Variants in PPFIA2 observed in about 807,000 individuals in gnomAD.
PPFIA2 encodes PPFI scaffold protein A2.
A neutral mutation model predicts 175.5 loss-of-function variants in PPFIA2; 46 were observed. The ratio of observed to expected loss-of-function variants is 0.26; its 90% CI spans 0.21 to 0.34. PPFIA2 has a LOEUF of 0.34. Ranked by LOEUF, PPFIA2 falls within the 10% of genes least tolerant of loss-of-function variation. PPFIA2 has a pLI of 1.00. For synonymous variants in PPFIA2, 568 were observed against 511.4 expected (o/e 1.11, Z -1.49); for missense variants, 1,179 against 1,506.1 (o/e 0.78, Z 3.60).
intron 4 of PPFIA2, among the ~76,000 whole-genome samples, chr12:81,605,320 A>G (rs530307599): frequency 6.6e-6 from 1 of 151,824 alleles, no homozygotes; most frequent in Non-Finnish European, 1.5e-5. Context: ...GTCATACTGA[A>G]AGAACAATGG....
chr12:81,756,881 A>G (rs951976987), intron 2 of PPFIA2, among the ~76,000 whole-genome samples: 1 of 152,186 alleles, frequency 6.6e-6, no homozygotes, highest in African/African-American at 2.4e-5. Context: ...AATCCAATTT[A>G]TAAAAATCAA....
At position 81,747,964 on chromosome 12, in the gene PPFIA2, C is replaced by A. The variant is rs1343589522; in HGVS notation, c.249+6009G>T. Among the ~76,000 whole-genome samples, 8 of 144,054 alleles carry A rather than the reference C, an allele frequency of 5.6e-5. 2 individuals carry two copies. The highest frequency in any genetic ancestry group is 1.2e-4 in the Non-Finnish European group (8 of 64,192). The allele number at this position is 144,054 out of a possible 152,430, so 94.5% of individuals were successfully genotyped here. A position where few individuals can be genotyped will look rare whatever the true frequency, so the allele number is the denominator to read the frequency against. ...AGGGTTTCTGAAACACATTCTCATACCTCCTTTCAATCACTCTTAAGGGTA... is the reference window on the plus strand; with the variant it reads ...AGGGTTTCTGAAACACATTCTCATAACTCCTTTCAATCACTCTTAAGGGTA... On this transcript the variant is annotated intron_variant, in intron 3 of 32. Transcript: ENST00000549396.
chr12:81,722,257 T>C (rs1326751623), intron 3 of PPFIA2, among the ~76,000 whole-genome samples: 2 of 151,082 alleles, frequency 1.3e-5, no homozygotes. Flanking sequence ...AAAAATCAAG[T>C]AGTCACATAC....
At chr12:81,267,828 A>G (rs2037771210) in intron 29 of PPFIA2, 84 bp downstream of exon 29, 2 of 1,293,744 alleles carry the variant, frequency 1.5e-6, no homozygotes, top group Admixed American at 2.5e-5. Flanking sequence ...ACAATCATGA[A>G]TACACAGCCA....
intron 4 of PPFIA2, among the ~76,000 whole-genome samples, chr12:81,657,026 T>C (rs964410937): frequency 2.0e-5 from 3 of 152,194 alleles, no homozygotes; most frequent in African/African-American, 7.2e-5. Context: ...GTAGTGGTTA[T>C]AATTAATGTT....
At chr12:81,470,367 A>C (rs183783570) in intron 4 of PPFIA2, among the ~76,000 whole-genome samples, 2 of 152,222 alleles carry the variant, frequency 1.3e-5, no homozygotes, top group Non-Finnish European at 2.9e-5. Context: ...ATGAAAGTCA[A>C]AAGCACAGTG....
intron 9 of PPFIA2, among the ~76,000 whole-genome samples, chr12:81,377,787 C>A (rs1163624549): frequency 6.6e-6 from 1 of 152,062 alleles, no homozygotes; most frequent in Non-Finnish European, 1.5e-5. Flanking sequence ...AGCTACAAAG[C>A]CTGGAATAAA....
chr12:81,698,167 G>T (rs974277386), intron 3 of PPFIA2, among the ~76,000 whole-genome samples: 1 of 152,038 alleles, frequency 6.6e-6, no homozygotes, highest in African/African-American at 2.4e-5. Context: ...TAAGAAAGAA[G>T]ATTTATTCAT....
intron 7 of PPFIA2, among the ~76,000 whole-genome samples, chr12:81,422,110 ATGTGTATATATATG>A (rs2046357028): frequency 6.9e-6 from 1 of 145,822 alleles, no homozygotes; most frequent in Non-Finnish European, 1.5e-5. Context: ...GTGTATATAT[ATGTGTATATATATG>A]TGTGTATATA....
At chr12:81,484,677 GC>G (rs1370654175) in intron 4 of PPFIA2, among the ~76,000 whole-genome samples, 1 of 151,840 alleles carries the variant, frequency 6.6e-6, no homozygotes, top group Admixed American at 6.6e-5. Flanking sequence ...AGCAAGAGAA[GC>G]ATTTGACCAA....
rs1054768833 is a variant in PPFIA2 at position 81,394,663 on chromosome 12, G to A, written c.763-10419C>T. ...ACACTGGGGCCTGTCAGGGTGTTGG[G>A]GGCAAGGGGAGGGAGAGCATTAGGA... On this transcript the variant is annotated intron_variant, in intron 8 of 32. Coordinates refer to ENST00000549396, the MANE Select transcript of PPFIA2 (RefSeq NM_003625.5). Among the ~76,000 whole-genome samples, 4 of 152,046 alleles carry A rather than the reference G, an allele frequency of 2.6e-5. No individual in the cohort carries two copies. The East Asian group carries it at 7.8e-4, about 30-fold the overall frequency.
intron 4 of PPFIA2, chr12:81,472,800 T>C (rs966744053): frequency 2.0e-5 from 3 of 152,188 alleles, no homozygotes; most frequent in Non-Finnish European, 4.4e-5. Context: ...TGCTTCACAT[T>C]AAAAATATGC....
chr12:81,335,004 T>G (rs1265555336), intron 21 of PPFIA2, among the ~76,000 whole-genome samples: 1 of 152,174 alleles, frequency 6.6e-6, no homozygotes, highest in Admixed American at 6.6e-5. Flanking sequence ...CTAACTACCT[T>G]TCCATGTTAG....
Position 81,266,978 on chromosome 12 carries a change from G to A in PPFIA2, c.3529C>T (p.Leu1177=), listed in dbSNP as rs1467497173. The A allele has an allele frequency of 6.2e-7, 1 of 1,612,924 alleles. No homozygotes were observed. The highest frequency in any genetic ancestry group is 2.2e-5 in the East Asian group (1 of 44,794). Reference sequence around the variant, plus strand: ...TCATCCAGTCGCCTTTCAGTTCCCAGGGCCAAGAGGTTATTGTATTCTCTT... The same window carrying A: ...TCATCCAGTCGCCTTTCAGTTCCCAAGGCCAAGAGGTTATTGTATTCTCTT... The part of the protein sequence containing the change: ...LEREYNNLLA[L]GTERRLDESD... The change falls in exon 30 of 33, where the codon CTG becomes TTG. Residue 1177 remains leucine, a synonymous_variant. Coordinates refer to ENST00000549396, the MANE Select transcript of PPFIA2 (RefSeq NM_003625.5).
intron 17 of PPFIA2, among the ~76,000 whole-genome samples, chr12:81,350,661 G>T (rs2059856814): frequency 6.6e-6 from 1 of 152,054 alleles, no homozygotes; most frequent in Non-Finnish European, 1.5e-5. Context: ...AGTGTGGTTG[G>T]TATCCTAAGA....
chr12:81,627,502 T>G (rs1002908090), intron 4 of PPFIA2, among the ~76,000 whole-genome samples: 1 of 152,136 alleles, frequency 6.6e-6, no homozygotes, highest in Non-Finnish European at 1.5e-5. Flanking sequence ...GTTGCAACTG[T>G]TTTTCCAAGA....
chr12:81,271,807 A>T (rs1168959476), intron 28 of PPFIA2, among the ~76,000 whole-genome samples: 2 of 152,120 alleles, frequency 1.3e-5, no homozygotes, highest in African/African-American at 4.8e-5. Context: ...TATTATTATG[A>T]CATTTACCCA....
At chr12:81,676,701 G>T in intron 4 of PPFIA2, 90 bp downstream of exon 4, 3 of 868,820 alleles carry the variant, frequency 3.5e-6, no homozygotes, top group South Asian at 6.9e-5. Flanking sequence ...ACCTGCATAT[G>T]ACAAATAATA....
chr12:81,617,233 G>A (rs1228871769), intron 4 of PPFIA2, among the ~76,000 whole-genome samples: 1 of 152,180 alleles, frequency 6.6e-6, no homozygotes, highest in African/African-American at 2.4e-5. Context: ...CCAGTAGATT[G>A]TGTTGAATTT....
Sources: allele counts gnomAD v4.1 joint callset (sites outside exome capture counted in the v4.1 genomes callset), GRCh38; gene constraint gnomAD v4.1.1; transcripts MANE v1.5; gene names NCBI Gene and HGNC (gene_info 2026-07-23, HGNC 2026-07-21).